ATP2C2: variants seen among roughly 807,000 people sequenced by gnomAD.
ATP2C2 encodes the protein calcium-transporting ATPase type 2C member 2.
In ATP2C2, 171 loss-of-function variants were observed where a neutral mutation model predicts 110.8. The observed-to-expected ratio is 1.54, with a 90% CI of 1.36 to 1.75. The LOEUF is 1.75. Ranked by LOEUF, ATP2C2 falls within the 40% of genes most tolerant of loss-of-function variation. The pLI is 0.00. For missense variants in ATP2C2, 1,963 were observed against 1,235.0 expected (o/e 1.59, Z -8.84); for synonymous variants, 804 against 508.4 (o/e 1.58, Z -7.82).
intron 1 of ATP2C2, among the ~76,000 whole-genome samples, chr16:84,372,118 C>T (rs891413757): frequency 6.6e-6 from 1 of 152,070 alleles, no homozygotes. Flanking sequence ...AGAGGAGGGT[C>T]GTACGGAGCC....
rs894282630 is a variant in ATP2C2 at position 84,462,329 on chromosome 16, C to G, written c.2722+200C>G. On this transcript the variant is annotated intron_variant, in intron 26 of 26. Coordinates refer to ENST00000262429, the MANE Select transcript of ATP2C2 (RefSeq NM_014861.4). ...TGATGTGACGGATGCACAGAAACCC[C>G]TAGGAAGAGGCCTGTCACTCAAGAG... 21 of 659,754 alleles carry G rather than the reference C, an allele frequency of 3.2e-5. No individual in the cohort carries two copies. The African/African-American group carries it at 3.3e-4, about 10-fold the overall frequency. The allele number at this position is 659,754 out of a possible 1,614,324, so 40.9% of individuals were successfully genotyped here. A position where few individuals can be genotyped will look rare whatever the true frequency, so the allele number is the denominator to read the frequency against.
intron 11 of ATP2C2, 21 bp from the exon 12 acceptor site, chr16:84,439,145 T>A: frequency 2.5e-6 from 4 of 1,611,842 alleles, no homozygotes; most frequent in Non-Finnish European, 3.4e-6. Flanking sequence ...TAGAGGGGAC[T>A]CATTTGACCT....
At chr16:84,427,533 A>T (rs1907906179) in intron 11 of ATP2C2, among the ~76,000 whole-genome samples, 1 of 152,166 alleles carries the variant, frequency 6.6e-6, no homozygotes. Flanking sequence ...TCTGGCCAAC[A>T]TGGTGAAACC....
chr16:84,461,597 G>C (rs1597891142), intron 24 of ATP2C2, 117 bp from the exon 25 acceptor site: 1 of 888,172 alleles, frequency 1.1e-6, no homozygotes, highest in South Asian at 1.4e-5. Context: ...CGATTCATGA[G>C]CTTGTAAGTG....
chr16:84,429,027 G>A (rs66505682), intron 11 of ATP2C2, among the ~76,000 whole-genome samples: 28,208 of 152,126 alleles, frequency 0.19, 3,120 homozygotes, highest in Non-Finnish European at 0.25. Context: ...GGGCATCTTA[G>A]GCTCTGGATA....
At chr16:84,440,058 A>C (rs1451156684) in intron 13 of ATP2C2, among the ~76,000 whole-genome samples, 2 of 152,208 alleles carry the variant, frequency 1.3e-5, no homozygotes, top group East Asian at 1.9e-4. Flanking sequence ...GGCTGGTCTC[A>C]AACTCCTGAC....
Position 84,460,779 on chromosome 16 carries a change from C to T in ATP2C2, c.2459C>T (p.Thr820Ile), listed in dbSNP as rs764159796. The change falls in exon 24 of 27, where the codon ACC becomes ATC. Residue 820 changes from threonine to isoleucine, a missense_variant. Thr to Ile is a moderately conservative substitution (Grantham distance 89). Coordinates refer to ENST00000262429, the MANE Select transcript of ATP2C2 (RefSeq NM_014861.4). The part of the protein sequence containing the change: ...LMSAAIIISG[T>I]LFIFWKEMPE... The stretch of plus-strand genomic sequence containing the variant: ...TCCGCGGCCATCATCATCAGCGGGA[C>T]CCTCTTTATCTTCTGGAAGGAGGTG... 8 of 1,613,446 alleles carry T rather than the reference C, an allele frequency of 5.0e-6. No individual in the cohort carries two copies. The highest frequency in any genetic ancestry group is 6.8e-6 in the Non-Finnish European group (8 of 1,179,566).
chr16:84,452,913 C>G (rs1910426394), intron 18 of ATP2C2, among the ~76,000 whole-genome samples: 1 of 152,166 alleles, frequency 6.6e-6, no homozygotes, highest in South Asian at 2.1e-4. Context: ...TGTGTGTCCT[C>G]GGCAAAGTCA....
At chr16:84,439,075 G>A in intron 11 of ATP2C2, 91 bp from the exon 12 acceptor site, 1 of 1,556,030 alleles carries the variant, frequency 6.4e-7, no homozygotes, top group Non-Finnish European at 8.7e-7. Context: ...CCTAAGACAA[G>A]CTTCACCAGC....
At chr16:84,441,556 C>G (rs1221208144) in intron 14 of ATP2C2, among the ~76,000 whole-genome samples, 1 of 152,198 alleles carries the variant, frequency 6.6e-6, no homozygotes, top group African/African-American at 2.4e-5. Flanking sequence ...GTGAGCGCCA[C>G]TTGCAAAGGA....
At chr16:84,377,939 A>G (rs1213070136) in intron 1 of ATP2C2, among the ~76,000 whole-genome samples, 2 of 152,158 alleles carry the variant, frequency 1.3e-5, no homozygotes, top group African/African-American at 4.8e-5. Context: ...TAGCTGGGCC[A>G]TATTCCTATG....
chr16:84,397,574 T>C (rs1232636364), intron 1 of ATP2C2, among the ~76,000 whole-genome samples: 1 of 144,696 alleles, frequency 6.9e-6, no homozygotes, highest in East Asian at 2.0e-4. Flanking sequence ...TTCAGGAGGC[T>C]GAAGCAGGAG....
intron 11 of ATP2C2, among the ~76,000 whole-genome samples, chr16:84,437,726 G>A (rs148160232): frequency 6.6e-6 from 1 of 152,178 alleles, no homozygotes; most frequent in African/African-American, 2.4e-5. Flanking sequence ...ACGTTGTCCA[G>A]GTTGGTCTCA....
At chr16:84,380,931 A>G (rs1420684912) in intron 1 of ATP2C2, among the ~76,000 whole-genome samples, 1 of 152,196 alleles carries the variant, frequency 6.6e-6, no homozygotes, top group Non-Finnish European at 1.5e-5. Context: ...CTGTAATCCC[A>G]GCACTTTGAG....
At chr16:84,445,224 T>C (rs1034030871) in intron 15 of ATP2C2, among the ~76,000 whole-genome samples, 2 of 151,700 alleles carry the variant, frequency 1.3e-5, no homozygotes, top group African/African-American at 2.4e-5. Flanking sequence ...TTTTTTTTTT[T>C]TTGAGACGGA....
At chr16:84,412,380 G>A in intron 6 of ATP2C2, among the ~76,000 whole-genome samples, 1 of 108,962 alleles carries the variant, frequency 9.2e-6, no homozygotes, top group Admixed American at 8.7e-5. Context: ...GTGTGCGTGT[G>A]TGTATATGTG....
At chr16:84,427,303 C>T (rs1441326222) in intron 11 of ATP2C2, among the ~76,000 whole-genome samples, 1 of 152,004 alleles carries the variant, frequency 6.6e-6, no homozygotes, top group Non-Finnish European at 1.5e-5. Context: ...TATTTTTCAG[C>T]CACAGAAAGG....
chr16:84,400,062 C>G (rs867921087), intron 2 of ATP2C2, among the ~76,000 whole-genome samples: 1 of 152,136 alleles, frequency 6.6e-6, no homozygotes, highest in African/African-American at 2.4e-5. Flanking sequence ...ATAATGACCT[C>G]CAGTTCCATC....
At position 84,463,669 on chromosome 16, in the gene ATP2C2, C is replaced by G; in HGVS notation, c.2778C>G (p.Leu926=). The change falls in exon 27 of 27, where the codon CTC becomes CTG. Residue 926 remains leucine (L), a synonymous_variant. Coordinates refer to ENST00000262429, the MANE Select transcript of ATP2C2 (RefSeq NM_014861.4). ...ASSVFILSEL[L]KLCEKYCCSP... ...CCGTCTTCATTTTGTCAGAGCTCCT[C>G]AAACTATGTGAAAAATACTGTTGCA... 2 of 1,614,208 alleles carry G rather than the reference C, an allele frequency of 1.2e-6. No homozygotes were observed. The highest frequency in any genetic ancestry group is 1.1e-5 in the South Asian group (1 of 91,084).
Sources: allele counts gnomAD v4.1 joint callset (sites outside exome capture counted in the v4.1 genomes callset), GRCh38; gene constraint gnomAD v4.1.1; transcripts MANE v1.5; gene names NCBI Gene and HGNC (gene_info 2026-07-23, HGNC 2026-07-21).